The following RAB3IP variants were observed in gnomAD, a reference collection of about 807,000 sequenced individuals.
RAB3IP encodes RAB3A interacting protein.
RAB3IP carries 36 observed loss-of-function variants against 59.1 expected under a neutral mutation model. The observed-to-expected ratio is 0.61, with a 90% CI of 0.47 to 0.80. RAB3IP has a LOEUF of 0.80. Among genes scored for constraint, RAB3IP ranks in the 30% least tolerant of loss-of-function variants. The pLI, the probability that RAB3IP is intolerant of heterozygous loss-of-function variation, is 0.00. For synonymous variants in RAB3IP, 207 were observed against 191.2 expected (o/e 1.08, Z -0.68); for missense variants, 511 against 536.0 (o/e 0.95, Z 0.46).
In RAB3IP at chr12:69,791,037, C is replaced by T. The variant is rs561469584; in HGVS notation, c.607-3400C>T. On this transcript the variant is annotated intron_variant, in intron 4 of 10. Coordinates refer to ENST00000247833, the MANE Select transcript of RAB3IP (RefSeq NM_022456.5). ...AAGAGAATAGAGAGCCCAGAAATGA[C>T]ACATTTTTGGTTAGCTGACCCTCAA... is the stretch of plus-strand genomic sequence containing the variant. 3.5e-3 allele frequency among the ~76,000 whole-genome samples: 536 copies of T among 152,258 alleles called. 1 individual carries two copies. Among genetic ancestry groups the T allele is most frequent in the Non-Finnish European group, 5.7e-3 (386 of 68,018 alleles).
chr12:69,794,379 A>T, intron 4 of RAB3IP, 58 bp from the exon 5 acceptor site: 1 of 1,419,566 alleles, frequency 7.0e-7, no homozygotes, highest in Non-Finnish European at 9.9e-7. Context: ...ATTTGGCAAG[A>T]ACTTTTTGAA....
At chr12:69,739,929 T>C (rs900314013) in intron 1 of RAB3IP, 38 of 1,553,926 alleles carry the variant, frequency 2.4e-5, no homozygotes, top group Admixed American at 6.7e-5. Flanking sequence ...AGAGGCAATT[T>C]AGTTTCATGG....
intron 3 of RAB3IP, among the ~76,000 whole-genome samples, chr12:69,770,282 A>T (rs1399261518): frequency 6.6e-6 from 1 of 152,130 alleles, no homozygotes; most frequent in African/African-American, 2.4e-5. Context: ...CCAGTCCTCC[A>T]AATCCGCCCC....
rs572359339 is a variant in RAB3IP at position 69,797,796 on chromosome 12, A to G, written c.889-2413A>G. On this transcript the variant is annotated intron_variant, in intron 6 of 10. Coordinates refer to ENST00000247833, the MANE Select transcript of RAB3IP (RefSeq NM_022456.5). ...GTGTTTGGTTTTTTGTTCTTGCGATAGTTTACTGAGAATGATGATTTCCAG... is the reference window on the plus strand; with the variant it reads ...GTGTTTGGTTTTTTGTTCTTGCGATGGTTTACTGAGAATGATGATTTCCAG... Among the ~76,000 whole-genome samples, 710 of 151,376 alleles carry G rather than the reference A, an allele frequency of 4.7e-3. 8 individuals are homozygous for G. Among genetic ancestry groups the G allele is most frequent in the African/African-American group, 0.017 (687 of 41,214 alleles).
chr12:69,797,772 T>C (rs1486262439), intron 6 of RAB3IP, among the ~76,000 whole-genome samples: 1 of 149,264 alleles, frequency 6.7e-6, no homozygotes, highest in Non-Finnish European at 1.5e-5. Context: ...GAATATATGG[T>C]GTTTGGTTTT....
At chr12:69,788,281 A>G (rs941284442) in intron 4 of RAB3IP, among the ~76,000 whole-genome samples, 12 of 152,124 alleles carry the variant, frequency 7.9e-5, no homozygotes, top group Non-Finnish European at 1.8e-4. Context: ...AAGATGTGGT[A>G]AAACCTAGAT....
chr12:69,802,544 G>A (rs1878560029), intron 8 of RAB3IP, among the ~76,000 whole-genome samples: 1 of 152,084 alleles, frequency 6.6e-6, no homozygotes, highest in Non-Finnish European at 1.5e-5. Context: ...ATTGTGTCTT[G>A]GCTTCTGTTT....
At chr12:69,764,823 G>A (rs561331712) in intron 3 of RAB3IP, among the ~76,000 whole-genome samples, 163 of 152,182 alleles carry the variant, frequency 1.1e-3, no homozygotes, top group African/African-American at 3.8e-3. Flanking sequence ...TGATTTAACG[G>A]TATTTTATAG....
intron 3 of RAB3IP, among the ~76,000 whole-genome samples, chr12:69,758,498 T>C (rs1353893645): frequency 3.3e-5 from 5 of 152,184 alleles, no homozygotes; most frequent in African/African-American, 1.2e-4. Context: ...ATTTAACTTA[T>C]CACTCTCTAC....
In RAB3IP at chr12:69,756,528, A is replaced by C; in HGVS notation, c.375A>C (p.Thr125=). Residue 125 remains threonine (T), a synonymous_variant, in exon 3 of 11, where the codon ACA becomes ACC. Coordinates refer to ENST00000247833, the MANE Select transcript of RAB3IP (RefSeq NM_022456.5). ...AGTTTTTACAGGGTGCTACTATAAC[A>C]GAGGCTTGCGATGGCAGTGATGATA... ...EREFLQGATI[T]EACDGSDDIF... 6.2e-7 allele frequency: 1 copy of C among 1,614,184 alleles called. No individual in the cohort carries two copies. The highest frequency in any genetic ancestry group is 8.5e-7 in the Non-Finnish European group (1 of 1,180,014).
At chr12:69,747,926 T>A (rs1868591935) in intron 1 of RAB3IP, among the ~76,000 whole-genome samples, 1 of 152,230 alleles carries the variant, frequency 6.6e-6, no homozygotes. Context: ...TCTACTCTGC[T>A]GTGTTGCCAT....
Position 69,822,113 on chromosome 12 carries a change from G to A in RAB3IP, c.*6667G>A, listed in dbSNP as rs1881812314. ...CGGTGGTCTCCAGGAGACTTGGCTG[G>A]GAGCTTCTCTTGGAGTCTAGGGTTA... On this transcript the variant is annotated 3_prime_UTR_variant, in exon 11 of 11. Transcript: ENST00000247833. 1 of 152,014 alleles carries A rather than the reference G, an allele frequency of 6.6e-6. No individual in the cohort carries two copies. Among genetic ancestry groups the A allele is most frequent in the Admixed American group, 6.6e-5 (1 of 15,252 alleles). The allele number at this position is 152,014 out of a possible 1,614,324, so 9.4% of individuals were successfully genotyped here.
chr12:69,782,195 C>T (rs1000334304), intron 3 of RAB3IP, among the ~76,000 whole-genome samples: 8 of 152,252 alleles, frequency 5.3e-5, no homozygotes, highest in South Asian at 2.1e-4. Flanking sequence ...GATCGAGTCT[C>T]GCTCTATCGC....
chr12:69,746,713 A>T (rs1254155236), intron 1 of RAB3IP, among the ~76,000 whole-genome samples: 1 of 152,206 alleles, frequency 6.6e-6, no homozygotes, highest in Non-Finnish European at 1.5e-5. Flanking sequence ...AGGTTTTTAA[A>T]GAAGTGATGG....
At chr12:69,753,128 A>G (rs1464763769) in intron 1 of RAB3IP, among the ~76,000 whole-genome samples, 6 of 152,172 alleles carry the variant, frequency 3.9e-5, no homozygotes, top group South Asian at 2.1e-4. Flanking sequence ...TAATTGTTGC[A>G]CTTTGGGTTG....
intron 1 of RAB3IP, among the ~76,000 whole-genome samples, chr12:69,743,589 T>C (rs1356309334): frequency 6.6e-6 from 1 of 152,214 alleles, no homozygotes; most frequent in Non-Finnish European, 1.5e-5. Flanking sequence ...GGAGATAATA[T>C]CACTACCATT....
chr12:69,754,411 T>G (rs1218108905), intron 1 of RAB3IP, among the ~76,000 whole-genome samples: 3 of 152,010 alleles, frequency 2.0e-5, no homozygotes, highest in Admixed American at 6.6e-5. Context: ...GGGCATCATG[T>G]CTGAAACATT....
intron 3 of RAB3IP, among the ~76,000 whole-genome samples, chr12:69,781,914 A>G (rs1020413030): frequency 2.0e-5 from 3 of 152,242 alleles, no homozygotes; most frequent in Non-Finnish European, 2.9e-5. Context: ...GGATCCCATG[A>G]TAAGAGTATG....
At chr12:69,762,777 AAAG>A (rs1242548445) in intron 3 of RAB3IP, among the ~76,000 whole-genome samples, 1 of 148,600 alleles carries the variant, frequency 6.7e-6, no homozygotes, top group African/African-American at 2.5e-5. Flanking sequence ...AAAAAAAAAA[AAAG>A]AAAAAAGAGA....
Sources: gnomAD v4.1 joint callset for allele counts (sites outside exome capture counted in the v4.1 genomes callset) on GRCh38, gnomAD v4.1.1 for gene constraint, MANE v1.5 for transcripts, NCBI Gene and HGNC (gene_info 2026-07-23, HGNC 2026-07-21) for gene names.